Variants in MYOCD observed in about 807,000 individuals in gnomAD.
MYOCD encodes myocardin.
Under a neutral mutation model 96.1 loss-of-function variants are expected in MYOCD, and 32 were observed. That is an observed-to-expected ratio of 0.33 (90% CI 0.25 to 0.45). MYOCD has a LOEUF of 0.45. Among genes scored for constraint, MYOCD ranks in the 20% least tolerant of loss-of-function variants. The pLI is 1.00. For synonymous variants in MYOCD, 469 were observed against 469.0 expected (o/e 1.00, Z 0.00); for missense variants, 1,133 against 1,200.6 (o/e 0.94, Z 0.83).
intron 4 of MYOCD, among the ~76,000 whole-genome samples, 191 bp downstream of exon 4, chr17:12,717,612 T>C (rs548751076): frequency 1.3e-5 from 2 of 152,340 alleles, no homozygotes; most frequent in South Asian, 4.1e-4. Context: ...CATAAAATGG[T>C]TAAGCGGGTT....
At position 12,666,110 on chromosome 17, in the gene MYOCD, G is replaced by C; in HGVS notation, c.-79G>C. On this transcript the variant is annotated 5_prime_UTR_variant, in exon 1 of 14. Transcript: ENST00000425538. ...AATTCTGGGTTGTTAGCTGCGGTCA[G>C]CTGGGCTCCCGGGAGCCTGTTGCTG... The C allele has an allele frequency of 4.6e-6, 5 of 1,085,382 alleles. No individual in the cohort carries two copies. The highest frequency in any genetic ancestry group is 7.1e-6 in the Non-Finnish European group (5 of 705,918). The allele number at this position is 1,085,382 out of a possible 1,614,324, so 67.2% of individuals were successfully genotyped here.
At chr17:12,754,061 GGT>G (rs71144923) in intron 10 of MYOCD, among the ~76,000 whole-genome samples, 1 of 149,474 alleles carries the variant, frequency 6.7e-6, no homozygotes, top group Non-Finnish European at 1.5e-5. Flanking sequence ...AAAGCAAAGA[GGT>G]GTGTGTGTGT....
At chr17:12,742,036 C>T (rs552427321) in intron 7 of MYOCD, among the ~76,000 whole-genome samples, 15 of 152,174 alleles carry the variant, frequency 9.9e-5, no homozygotes, top group African/African-American at 3.1e-4. Context: ...CCTGGACCTC[C>T]GACTTAGCTG....
intron 7 of MYOCD, among the ~76,000 whole-genome samples, chr17:12,740,832 A>G (rs866100896): frequency 6.6e-6 from 1 of 151,884 alleles, no homozygotes; most frequent in South Asian, 2.1e-4. Context: ...TCCGCCTCCC[A>G]GGTTCAAGTG....
intron 1 of MYOCD, among the ~76,000 whole-genome samples, chr17:12,691,740 G>A (rs2030457174): frequency 6.6e-6 from 1 of 152,128 alleles, no homozygotes; most frequent in South Asian, 2.1e-4. Flanking sequence ...AATATTAATA[G>A]TTCCATTTGG....
At chr17:12,696,080 C>G (rs2030734042) in intron 1 of MYOCD, among the ~76,000 whole-genome samples, 1 of 151,640 alleles carries the variant, frequency 6.6e-6, no homozygotes, top group African/African-American at 2.4e-5. Flanking sequence ...TTGTTTTAGA[C>G]AGAGTCTCGC....
At chr17:12,679,746 A>C (rs1278317373) in intron 1 of MYOCD, among the ~76,000 whole-genome samples, 1 of 152,216 alleles carries the variant, frequency 6.6e-6, no homozygotes, top group South Asian at 2.1e-4. Flanking sequence ...TGCACTTTAA[A>C]TATCGTGTTT....
chr17:12,753,718 C>G (rs1326082611), intron 10 of MYOCD, among the ~76,000 whole-genome samples: 1 of 152,202 alleles, frequency 6.6e-6, no homozygotes, highest in Non-Finnish European at 1.5e-5. Flanking sequence ...AGTCAGTGAG[C>G]AAGACTTGGC....
intron 1 of MYOCD, among the ~76,000 whole-genome samples, chr17:12,670,129 T>G (rs1374244737): frequency 6.6e-6 from 1 of 152,002 alleles, no homozygotes; most frequent in African/African-American, 2.4e-5. Context: ...AGGCCGGTGC[T>G]CAAGCAGCAG....
At chr17:12,670,046 G>A (rs540419524) in intron 1 of MYOCD, among the ~76,000 whole-genome samples, 13 of 152,222 alleles carry the variant, frequency 8.5e-5, no homozygotes, top group Admixed American at 2.6e-4. Flanking sequence ...CCAGCTTATG[G>A]GTGAGGAAGA....
rs1323923853 is a variant in MYOCD at position 12,766,502 on chromosome 17, A to G, written c.*2858A>G. The stretch of plus-strand genomic sequence containing the variant: ...CACCCTCTCTCTTCATAGCTCAGAC[A>G]TGAAATTTGAGGGAGAAAACTGGAG... On this transcript the variant is annotated 3_prime_UTR_variant, in exon 14 of 14. Transcript: ENST00000425538. 6.6e-5 allele frequency: 10 copies of G among 152,228 alleles called. No individual in the cohort carries two copies. Among genetic ancestry groups the G allele is most frequent in the Non-Finnish European group, 1.2e-4 (8 of 68,034 alleles). 9.4% of individuals were successfully genotyped at this position (152,228 alleles called of 1,614,324 possible).
chr17:12,692,196 T>C (rs572624682), intron 1 of MYOCD, among the ~76,000 whole-genome samples: 1 of 152,366 alleles, frequency 6.6e-6, no homozygotes, highest in African/African-American at 2.4e-5. Context: ...TAAGGGACCA[T>C]CACTCCTGGG....
At chr17:12,693,903 C>G (rs959371831) in intron 1 of MYOCD, among the ~76,000 whole-genome samples, 7 of 151,942 alleles carry the variant, frequency 4.6e-5, no homozygotes, top group Non-Finnish European at 1.0e-4. Context: ...ATTCTGGAAG[C>G]CTAGAAAGAC....
At chr17:12,738,071 A>G (rs1338201919) in intron 6 of MYOCD, among the ~76,000 whole-genome samples, 1 of 152,226 alleles carries the variant, frequency 6.6e-6, no homozygotes, top group Non-Finnish European at 1.5e-5. Context: ...TTCTGATTTA[A>G]GAATGGTTTG....
At position 12,765,224 on chromosome 17, in the gene MYOCD, C is replaced by A. The variant is rs970272407; in HGVS notation, c.*1580C>A. On this transcript the variant is annotated 3_prime_UTR_variant, in exon 14 of 14. Coordinates refer to ENST00000425538, the MANE Select transcript of MYOCD (RefSeq NM_001146312.3). ...AAGGCTCTCTGTGGCTCCAGTTCAC[C>A]ATTTTATATTGTTGCATGCTGTAGA... 1 of 151,574 alleles carries A rather than the reference C, an allele frequency of 6.6e-6. No homozygotes were observed. Among genetic ancestry groups the A allele is most frequent in the South Asian group, 2.1e-4 (1 of 4,802 alleles). The allele number at this position is 151,574 out of a possible 1,614,324, so 9.4% of individuals were successfully genotyped here.
chr17:12,713,192 G>A (rs1458455580), intron 2 of MYOCD, among the ~76,000 whole-genome samples: 1 of 152,234 alleles, frequency 6.6e-6, no homozygotes, highest in African/African-American at 2.4e-5. Flanking sequence ...TGTGGCAGAA[G>A]GTTCCAGAAG....
intron 1 of MYOCD, among the ~76,000 whole-genome samples, chr17:12,692,313 TA>T (rs1327446473): frequency 2.6e-5 from 4 of 152,302 alleles, no homozygotes; most frequent in African/African-American, 9.6e-5. Context: ...ATCCAGAAAA[TA>T]GGTGGGCTTT....
chr17:12,717,524 T>C, intron 4 of MYOCD, 103 bp downstream of exon 4: 2 of 913,646 alleles, frequency 2.2e-6, no homozygotes, highest in East Asian at 2.7e-5. Flanking sequence ...CTTAAAAATC[T>C]CCCTTGCCGT....
chr17:12,717,636 C>G (rs531169226), intron 4 of MYOCD, among the ~76,000 whole-genome samples: 2 of 152,320 alleles, frequency 1.3e-5, no homozygotes, highest in African/African-American at 2.4e-5. Flanking sequence ...GACTTGGGCT[C>G]TAATCTCAGC....
Sources: allele counts gnomAD v4.1 joint callset (sites outside exome capture counted in the v4.1 genomes callset), GRCh38; gene constraint gnomAD v4.1.1; transcripts MANE v1.5; gene names NCBI Gene and HGNC (gene_info 2026-07-23, HGNC 2026-07-21).